ACSS1: variants seen among roughly 807,000 people sequenced by gnomAD.
The protein encoded by ACSS1 is acetyl-coenzyme A synthetase 2-like, mitochondrial.
A neutral mutation model predicts 75.3 loss-of-function variants in ACSS1; 42 were observed. The ratio of observed to expected loss-of-function variants is 0.56; its 90% CI spans 0.44 to 0.72. The LOEUF is 0.72. ACSS1 is among the 30% of genes least tolerant of loss of function. The probability of loss-of-function intolerance (pLI) is 0.00; values close to 1 mark genes in which losing one functional copy is unlikely to be tolerated. For synonymous variants in ACSS1, 380 were observed against 376.8 expected (o/e 1.01, Z -0.10); for missense variants, 782 against 935.7 (o/e 0.84, Z 2.14).
intron 2 of ACSS1, among the ~76,000 whole-genome samples, chr20:25,047,285 C>A (rs2089109271): frequency 6.6e-6 from 1 of 152,222 alleles, no homozygotes; most frequent in South Asian, 2.1e-4. Flanking sequence ...CCACATGCAC[C>A]TTCCCTCTAC....
At chr20:25,045,032 G>A (rs1023717071) in intron 2 of ACSS1, among the ~76,000 whole-genome samples, 2 of 152,232 alleles carry the variant, frequency 1.3e-5, no homozygotes, top group Admixed American at 6.5e-5. Context: ...GTCCAACCTC[G>A]CTGCCCAGTT....
In ACSS1 at chr20:25,007,353, T is replaced by C; in HGVS notation, c.*409A>G. 1 of 1,077,774 alleles carries C rather than the reference T, an allele frequency of 9.3e-7. No homozygotes were observed. The highest frequency in any genetic ancestry group is 3.5e-5 in the South Asian group (1 of 28,818). The allele number at this position is 1,077,774 out of a possible 1,614,324, so 66.8% of individuals were successfully genotyped here. ...AATATAAAAGTATAAAAATAAGATT[T>C]CTGACCTTTGTATCTAGACAGATCT... is the stretch of plus-strand genomic sequence containing the variant. On this transcript the variant is annotated 3_prime_UTR_variant, in exon 14 of 14. Transcript: ENST00000323482.
chr20:25,024,409 A>T (rs2088679253), intron 3 of ACSS1, among the ~76,000 whole-genome samples: 1 of 152,192 alleles, frequency 6.6e-6, no homozygotes, highest in South Asian at 2.1e-4. Context: ...CAGAGGGATC[A>T]CAGCTGCGGG....
intron 10 of ACSS1, 76 bp from the exon 11 acceptor site, chr20:25,013,015 C>T (rs1289117607): frequency 6.2e-7 from 1 of 1,600,048 alleles, no homozygotes; most frequent in Non-Finnish European, 8.5e-7. Flanking sequence ...AAGCGTGAAG[C>T]TCTGCAGCCC....
rs1223078758 is a variant in ACSS1 at position 25,011,068 on chromosome 20, T to C, written c.1771+1533A>G. ...AAAATGCACATCATCATACACATGA[T>C]AGACAAATTATCCCCACACATCTGG... On this transcript the variant is annotated intron_variant, in intron 12 of 13. Coordinates refer to ENST00000323482, the MANE Select transcript of ACSS1 (RefSeq NM_032501.4). The C allele has an allele frequency of 2.6e-5, 4 of 152,274 alleles. No homozygotes were observed. The South Asian group carries it at 6.2e-4, about 24-fold the overall frequency. The allele number at this position is 152,274 out of a possible 1,614,324, so 9.4% of individuals were successfully genotyped here. A position where few individuals can be genotyped will look rare whatever the true frequency, so the allele number is the denominator to read the frequency against.
At chr20:25,048,002 G>A (rs953039513) in intron 2 of ACSS1, 83 bp downstream of exon 2, 13 of 1,248,972 alleles carry the variant, frequency 1.0e-5, no homozygotes, top group Admixed American at 4.3e-5. Context: ...AGACTCAGAC[G>A]GCCCCTCCCT....
chr20:25,043,670 G>C (rs1173365481), intron 2 of ACSS1, among the ~76,000 whole-genome samples: 2 of 152,204 alleles, frequency 1.3e-5, no homozygotes, highest in Non-Finnish European at 2.9e-5. Flanking sequence ...GGAAGGAACA[G>C]CCACAGAAAT....
Position 25,006,830 on chromosome 20 carries a change from A to G in ACSS1, c.*932T>C, listed in dbSNP as rs186170584. On this transcript the variant is annotated 3_prime_UTR_variant, in exon 14 of 14. Coordinates refer to ENST00000323482, the MANE Select transcript of ACSS1 (RefSeq NM_032501.4). ...CCCAACCACAGAGTGAAGGTCAGGC[A>G]GCGTTTGCCAGGATTTGGCTCTGAC... is the stretch of plus-strand genomic sequence containing the variant. The G allele has an allele frequency of 5.4e-5, 83 of 1,535,424 alleles. No individual in the cohort carries two copies. In the African/African-American group the frequency reaches 9.4e-4, roughly 17 times the overall value.
At chr20:25,038,522 TGGGCACCTC>T in intron 2 of ACSS1, among the ~76,000 whole-genome samples, 1 of 152,100 alleles carries the variant, frequency 6.6e-6, no homozygotes, top group Non-Finnish European at 1.5e-5. Flanking sequence ...TTAAGAAAGG[TGGGCACCTC>T]AGGCACCTCC....
rs1259790476 is a variant in ACSS1, at chr20:25,007,554, A to G, written c.*208T>C. ...AGAACCAGCCCTAGCCATGTCGCAT[A>G]GCCTCTCCATGGGTGACACTCCTGG... is the stretch of plus-strand genomic sequence containing the variant. On this transcript the variant is annotated 3_prime_UTR_variant, in exon 14 of 14. Coordinates refer to ENST00000323482, the MANE Select transcript of ACSS1 (RefSeq NM_032501.4). 4 of 1,408,406 alleles carry G rather than the reference A, an allele frequency of 2.8e-6. No homozygotes were observed. Among genetic ancestry groups the G allele is most frequent in the Non-Finnish European group, 3.7e-6 (4 of 1,084,170 alleles). The allele number at this position is 1,408,406 out of a possible 1,614,324, so 87.2% of individuals were successfully genotyped here. A position where few individuals can be genotyped will look rare whatever the true frequency, so the allele number is the denominator to read the frequency against.
At chr20:25,019,032 G>A (rs183925824) in intron 7 of ACSS1, among the ~76,000 whole-genome samples, 16 of 152,312 alleles carry the variant, frequency 1.1e-4, no homozygotes, top group Non-Finnish European at 1.5e-4. Context: ...CCGGATGCCC[G>A]CATGGCCTCA....
intron 3 of ACSS1, among the ~76,000 whole-genome samples, chr20:25,028,718 G>A (rs1389754903): frequency 2.0e-5 from 3 of 152,156 alleles, no homozygotes; most frequent in Non-Finnish European, 2.9e-5. Context: ...TCAAGAGATC[G>A]AGACCATCCT....
intron 2 of ACSS1, among the ~76,000 whole-genome samples, chr20:25,045,587 A>G (rs1485643421): frequency 6.6e-6 from 1 of 152,260 alleles, no homozygotes; most frequent in Non-Finnish European, 1.5e-5. Context: ...GCTAGTCTGG[A>G]CATTGATCTT....
intron 2 of ACSS1, among the ~76,000 whole-genome samples, chr20:25,031,455 G>A (rs888486415): frequency 1.9e-4 from 29 of 152,200 alleles, no homozygotes; most frequent in African/African-American, 6.5e-4. Flanking sequence ...ATGCTTTGAT[G>A]TACTTATGCA....
intron 2 of ACSS1, among the ~76,000 whole-genome samples, chr20:25,036,756 A>G (rs192351491): frequency 7.2e-5 from 11 of 152,140 alleles, no homozygotes; most frequent in African/African-American, 2.7e-4. Flanking sequence ...GGAGTTTAAG[A>G]CCAGCCTGGC....
Position 25,007,773 on chromosome 20 carries a change from CA to C in ACSS1, c.2058del (p.Ala687LeufsTer55). ...SVYQKCKDKQ[A>X]AAK ...CACAAGGTGCCAGCTCACTTAGCAG[CA>C]GCCTGCTTGTCCTTGCACTTCTGGT... On this transcript the variant is annotated frameshift_variant, in exon 14 of 14. Coordinates refer to ENST00000323482, the MANE Select transcript of ACSS1 (RefSeq NM_032501.4). LOFTEE classifies it high-confidence loss of function. The C allele has an allele frequency of 6.2e-7, 1 of 1,614,048 alleles. No individual in the cohort carries two copies. The highest frequency in any genetic ancestry group is 8.5e-7 in the Non-Finnish European group (1 of 1,179,956).
chr20:25,039,838 G>A (rs568350837), intron 2 of ACSS1, among the ~76,000 whole-genome samples: 1 of 152,250 alleles, frequency 6.6e-6, no homozygotes, highest in South Asian at 2.1e-4. Flanking sequence ...CCCAAGTCTT[G>A]TCTCTGGAAA....
intron 5 of ACSS1, 42 bp from the exon 6 acceptor site, chr20:25,021,578 C>A (rs2088626669): frequency 6.2e-7 from 1 of 1,602,842 alleles, no homozygotes; most frequent in Non-Finnish European, 8.5e-7. Context: ...TGTCCCCCCA[C>A]TCCACCATGT....
At chr20:25,057,730 A>G in intron 1 of ACSS1, 39 bp downstream of exon 1, 1 of 1,516,744 alleles carries the variant, frequency 6.6e-7, no homozygotes, top group Non-Finnish European at 8.9e-7. Context: ...TCGGGACCCA[A>G]GAGTTGGGGG....
Sources: allele counts gnomAD v4.1 joint callset (sites outside exome capture counted in the v4.1 genomes callset), GRCh38; gene constraint gnomAD v4.1.1; transcripts MANE v1.5; gene names NCBI Gene and HGNC (gene_info 2026-07-23, HGNC 2026-07-21).